The following LRRC4C variants were observed in gnomAD, a reference collection of about 807,000 sequenced individuals.
The protein encoded by LRRC4C is leucine rich repeat containing 4C.
In LRRC4C, 5 loss-of-function variants were observed where a neutral mutation model predicts 33.6. The ratio of observed to expected loss-of-function variants is 0.15; its 90% CI spans 0.08 to 0.31. The LOEUF is 0.31. Among genes scored for constraint, LRRC4C ranks in the 10% least tolerant of loss-of-function variants. The probability of loss-of-function intolerance (pLI) is 1.00; values close to 1 mark genes in which losing one functional copy is unlikely to be tolerated. For missense variants in LRRC4C, 560 were observed against 796.7 expected, an observed-to-expected ratio of 0.70 and a Z score of 3.58; for synonymous variants, 329 against 302.0, an observed-to-expected ratio of 1.09 and a Z score of -0.93.
At chr11:41,429,729 A>G (rs1955170432) in intron 1 of LRRC4C, among the ~76,000 whole-genome samples, 3 of 152,178 alleles carry the variant, frequency 2.0e-5, no homozygotes, top group African/African-American at 7.2e-5. Context: ...TACTCTGCAG[A>G]ATGGCAAAGA....
intron 2 of LRRC4C, among the ~76,000 whole-genome samples, chr11:40,819,625 A>G (rs185186027): frequency 1.4e-3 from 217 of 152,228 alleles, no homozygotes; most frequent in African/African-American, 5.0e-3. Flanking sequence ...AGGAGCTTCT[A>G]AGCTAGCCGC....
chr11:40,723,364 A>G (rs1382777341), intron 2 of LRRC4C, among the ~76,000 whole-genome samples: 4 of 152,120 alleles, frequency 2.6e-5, no homozygotes, highest in Non-Finnish European at 5.9e-5. Flanking sequence ...AGAGAAAAGC[A>G]TCATATCACC....
intron 4 of LRRC4C, among the ~76,000 whole-genome samples, chr11:40,269,614 A>G: frequency 6.6e-6 from 1 of 151,768 alleles, no homozygotes; most frequent in East Asian, 1.9e-4. Flanking sequence ...AATTAAACTA[A>G]TAAGATTCCA....
At chr11:40,246,946 A>C (rs1452470) in intron 4 of LRRC4C, among the ~76,000 whole-genome samples, 114,162 of 152,046 alleles carry the variant, frequency 0.75, 46,580 homozygotes, top group East Asian at 0.95. Context: ...CAACAAAGAG[A>C]AATAATACCA....
chr11:40,424,187 G>A (rs2137776261), intron 3 of LRRC4C, among the ~76,000 whole-genome samples: 1 of 152,200 alleles, frequency 6.6e-6, no homozygotes, highest in African/African-American at 2.4e-5. Context: ...TGGGACATCT[G>A]CTCTGAGAAA....
chr11:40,868,882 C>T (rs1954497787), intron 2 of LRRC4C, among the ~76,000 whole-genome samples: 1 of 152,112 alleles, frequency 6.6e-6, no homozygotes, highest in East Asian at 1.9e-4. Context: ...GTAAGTCATA[C>T]AGAAGGAAAT....
intron 5 of LRRC4C, among the ~76,000 whole-genome samples, chr11:40,204,922 A>G (rs1453699405): frequency 6.6e-6 from 1 of 152,180 alleles, no homozygotes; most frequent in African/African-American, 2.4e-5. Context: ...TTGGGTATTC[A>G]TTCTTTCCTT....
At chr11:40,797,858 A>G (rs1424896898) in intron 2 of LRRC4C, among the ~76,000 whole-genome samples, 1 of 152,224 alleles carries the variant, frequency 6.6e-6, no homozygotes, top group Non-Finnish European at 1.5e-5. Context: ...TATACAAAGT[A>G]TTATACAACA....
At chr11:40,772,718 G>A (rs1949809624) in intron 2 of LRRC4C, among the ~76,000 whole-genome samples, 1 of 152,152 alleles carries the variant, frequency 6.6e-6, no homozygotes, top group South Asian at 2.1e-4. Context: ...TGACAAAGAT[G>A]TAGAGAAACG....
chr11:41,456,047 T>C (rs1215372402), intron 1 of LRRC4C, among the ~76,000 whole-genome samples: 1 of 152,154 alleles, frequency 6.6e-6, no homozygotes, highest in Non-Finnish European at 1.5e-5. Context: ...ATCTTTTATT[T>C]TGTAATTTAT....
intron 1 of LRRC4C, among the ~76,000 whole-genome samples, chr11:41,376,353 C>T (rs576682044): frequency 6.6e-6 from 1 of 152,242 alleles, no homozygotes; most frequent in East Asian, 1.9e-4. Flanking sequence ...TGTAGCTTTA[C>T]CTATTGCCCA....
At chr11:41,149,724 C>A (rs1221553942) in intron 1 of LRRC4C, among the ~76,000 whole-genome samples, 1 of 152,008 alleles carries the variant, frequency 6.6e-6, no homozygotes, top group Admixed American at 6.6e-5. Flanking sequence ...TTAGAGGGAG[C>A]TAGAGCTCTA....
chr11:40,641,181 G>A (rs1942100587), intron 3 of LRRC4C, among the ~76,000 whole-genome samples: 2 of 152,084 alleles, frequency 1.3e-5, no homozygotes, highest in Non-Finnish European at 2.9e-5. Context: ...GTTTAAGGCA[G>A]ATAAAATTAC....
rs912939495 is a variant in LRRC4C at position 41,141,806 on chromosome 11, C to T, written c.-495-208083G>A. On this transcript the variant is annotated intron_variant, in intron 1 of 6. Coordinates refer to ENST00000528697, the MANE Select transcript of LRRC4C (RefSeq NM_001258419.2). The stretch of plus-strand genomic sequence containing the variant: ...GTTTTCTTTATAAATTAACCAATCT[C>T]GGGTTATGTCTTCATAGCAGCCTGA... 1.1e-4 allele frequency among the ~76,000 whole-genome samples: 17 copies of T among 152,232 alleles called. No individual in the cohort carries two copies. In the Middle Eastern group the frequency reaches 0.01, roughly 91 times the overall value.
chr11:41,224,061 G>A (rs1472443161), intron 1 of LRRC4C, among the ~76,000 whole-genome samples: 2 of 152,142 alleles, frequency 1.3e-5, no homozygotes, highest in Non-Finnish European at 2.9e-5. Context: ...TTCCTAGTGT[G>A]TTAGCTGCCT....
chr11:40,915,330 A>G (rs1194466853), intron 2 of LRRC4C, among the ~76,000 whole-genome samples: 1 of 152,162 alleles, frequency 6.6e-6, no homozygotes, highest in Non-Finnish European at 1.5e-5. Flanking sequence ...ACAGCATGGT[A>G]CTGGTACCAA....
chr11:40,393,902 CAT>C (rs944241067), intron 3 of LRRC4C, among the ~76,000 whole-genome samples: 4 of 151,818 alleles, frequency 2.6e-5, no homozygotes, highest in Admixed American at 2.0e-4. Flanking sequence ...TATACAGACA[CAT>C]AGCAGAAAGA....
At position 40,276,863 on chromosome 11, in the gene LRRC4C, G is replaced by A. The variant is rs79939751; in HGVS notation, c.-175-35265C>T. 5.3e-3 allele frequency among the ~76,000 whole-genome samples: 803 copies of A among 152,102 alleles called. 3 individuals carry two copies. Among genetic ancestry groups the A allele is most frequent in the African/African-American group, 0.018 (738 of 41,510 alleles). Reference sequence around the variant, plus strand: ...GCTGAAGGAGTAAGGAAACTGATTGGGGGCATTGCCTCCCATCTGGACCAA... The same window carrying A: ...GCTGAAGGAGTAAGGAAACTGATTGAGGGCATTGCCTCCCATCTGGACCAA... On this transcript the variant is annotated intron_variant, in intron 4 of 6. Transcript: ENST00000528697.
chr11:40,628,273 C>G (rs1168019905), intron 3 of LRRC4C, among the ~76,000 whole-genome samples: 1 of 151,976 alleles, frequency 6.6e-6, no homozygotes, highest in African/African-American at 2.4e-5. Flanking sequence ...GTCAGGAGAT[C>G]GAGACCATCC....
Sources: gnomAD v4.1 joint callset for allele counts (sites outside exome capture counted in the v4.1 genomes callset) on GRCh38, gnomAD v4.1.1 for gene constraint, MANE v1.5 for transcripts, NCBI Gene and HGNC (gene_info 2026-07-23, HGNC 2026-07-21) for gene names.